The following BMAL1 variants were observed in gnomAD, a reference collection of about 807,000 sequenced individuals.
The protein encoded by BMAL1 is basic helix-loop-helix ARNT like 1.
the BMAL1 span, among the ~76,000 whole-genome samples, chr11:13,315,685 G>A: frequency 2.0e-5 from 3 of 152,114 alleles, no homozygotes; most frequent in Non-Finnish European, 4.4e-5. Flanking sequence ...TCATGACCTC[G>A]GTTTGTGTGG....
chr11:13,304,659 TG>T, the BMAL1 span, among the ~76,000 whole-genome samples: 1 of 152,170 alleles, frequency 6.6e-6, no homozygotes. Flanking sequence ...TTGGGGTCTT[TG>T]GGTCAAACCT....
the BMAL1 span, among the ~76,000 whole-genome samples, chr11:13,352,421 G>A: frequency 6.6e-6 from 1 of 152,180 alleles, no homozygotes; most frequent in African/African-American, 2.4e-5. Context: ...CACAACGTAA[G>A]ACAGAGAAAC....
the BMAL1 span, among the ~76,000 whole-genome samples, chr11:13,370,057 G>A: frequency 1.3e-5 from 2 of 152,210 alleles, no homozygotes; most frequent in Admixed American, 6.5e-5. Context: ...ACTGCCTTAT[G>A]AACAGCCACC....
the BMAL1 span, among the ~76,000 whole-genome samples, chr11:13,283,423 C>G: frequency 6.6e-6 from 1 of 152,164 alleles, no homozygotes; most frequent in Non-Finnish European, 1.5e-5. Context: ...TGCTTATTAA[C>G]TCATTTAAAC....
At chr11:13,299,564 C>A in the BMAL1 span, among the ~76,000 whole-genome samples, 1 of 152,072 alleles carries the variant, frequency 6.6e-6, no homozygotes, top group Non-Finnish European at 1.5e-5. Context: ...ACTTTGGCCT[C>A]TTGTATTTGG....
the BMAL1 span, among the ~76,000 whole-genome samples, chr11:13,280,075 G>A: frequency 6.6e-6 from 1 of 152,224 alleles, no homozygotes; most frequent in Non-Finnish European, 1.5e-5. Context: ...CCTCTCTTTT[G>A]AAGTTCTGTA....
At chr11:13,320,934 C>T in the BMAL1 span, among the ~76,000 whole-genome samples, 19 of 152,064 alleles carry the variant, frequency 1.2e-4, no homozygotes, top group Non-Finnish European at 1.9e-4. Flanking sequence ...AACAGGAGTT[C>T]GACAGAGAAG....
chr11:13,360,773 C>G, the BMAL1 span, among the ~76,000 whole-genome samples: 1 of 152,180 alleles, frequency 6.6e-6, no homozygotes. Flanking sequence ...AATTTCTCTT[C>G]ACCTGATTTA....
At chr11:13,363,313 G>T in the BMAL1 span, among the ~76,000 whole-genome samples, 1 of 151,940 alleles carries the variant, frequency 6.6e-6, no homozygotes, top group African/African-American at 2.4e-5. Context: ...ACTTACCAGG[G>T]TATGGAACAA....
At chr11:13,370,039 C>T in the BMAL1 span, among the ~76,000 whole-genome samples, 1 of 152,236 alleles carries the variant, frequency 6.6e-6, no homozygotes, top group Non-Finnish European at 1.5e-5. Flanking sequence ...CTCTCAGCCA[C>T]AATCCTAACT....
the BMAL1 span, chr11:13,386,563 A>C: frequency 3.9e-6 from 6 of 1,522,392 alleles, no homozygotes; most frequent in Non-Finnish European, 5.3e-6. Flanking sequence ...TTTAAAAAAG[A>C]AATCACTGAC....
At chr11:13,354,272 C>T in the BMAL1 span, 6 of 1,326,968 alleles carry the variant, frequency 4.5e-6, no homozygotes, top group Non-Finnish European at 6.0e-6. Flanking sequence ...GAAATAAACA[C>T]ACCTTTGTGC....
the BMAL1 span, among the ~76,000 whole-genome samples, chr11:13,383,161 G>T: frequency 6.6e-6 from 1 of 152,136 alleles, no homozygotes; most frequent in African/African-American, 2.4e-5. Context: ...GAACCATTTA[G>T]CCTGCAGTTG....
the BMAL1 span, among the ~76,000 whole-genome samples, chr11:13,343,514 C>T: frequency 1.3e-5 from 2 of 152,170 alleles, no homozygotes; most frequent in Non-Finnish European, 1.5e-5. Context: ...CAGGTGGAGT[C>T]GGGCCACTTT....
the BMAL1 span, among the ~76,000 whole-genome samples, chr11:13,373,484 T>C: frequency 2.6e-5 from 4 of 152,220 alleles, no homozygotes; most frequent in South Asian, 6.2e-4. Flanking sequence ...TTTAGATTTA[T>C]ACCACATTTT....
the BMAL1 span, chr11:13,354,561 A>C: frequency 2.8e-6 from 4 of 1,415,308 alleles, no homozygotes; most frequent in Non-Finnish European, 3.8e-6. Flanking sequence ...GGGAATAAAA[A>C]ACCCAACTCT....
chr11:13,313,850 TCTC>T, the BMAL1 span, among the ~76,000 whole-genome samples: 1 of 152,060 alleles, frequency 6.6e-6, no homozygotes, highest in African/African-American at 2.4e-5. Context: ...CCTGCAGTCT[TCTC>T]ATCATCTGGC....
At chr11:13,350,457 A>C in the BMAL1 span, among the ~76,000 whole-genome samples, 2 of 152,242 alleles carry the variant, frequency 1.3e-5, no homozygotes, top group Non-Finnish European at 2.9e-5. Flanking sequence ...GAAATTTCCA[A>C]AAATAAAGAG....
At chr11:13,341,606 C>T in the BMAL1 span, among the ~76,000 whole-genome samples, 11 of 152,378 alleles carry the variant, frequency 7.2e-5, no homozygotes, top group Admixed American at 3.9e-4. Context: ...CACCAGATAA[C>T]AGCAGTGCAT....
Sources: allele counts gnomAD v4.1 joint callset (sites outside exome capture counted in the v4.1 genomes callset), GRCh38; gene constraint gnomAD v4.1.1; transcripts MANE v1.5; gene names NCBI Gene and HGNC (gene_info 2026-07-23, HGNC 2026-07-21).